Variants in MCPH1 observed in about 807,000 individuals in gnomAD.
MCPH1 encodes microcephalin.
In MCPH1, 104 loss-of-function variants were observed where a neutral mutation model predicts 84.5. That is an observed-to-expected ratio of 1.23 (90% CI 1.05 to 1.45). The LOEUF (loss-of-function observed/expected upper bound fraction) is 1.45, where lower values mean the gene tolerates loss of function less well. Among genes scored for constraint, MCPH1 ranks in the 40% most tolerant of loss-of-function variants. The pLI is 0.00. For missense variants in MCPH1, 1,498 were observed against 1,005.7 expected, an observed-to-expected ratio of 1.49 and a Z score of -6.62; for synonymous variants, 514 against 366.8, an observed-to-expected ratio of 1.40 and a Z score of -4.58.
chr8:6,419,919 T>C (rs1799919806), intron 3 of MCPH1, among the ~76,000 whole-genome samples: 3 of 152,158 alleles, frequency 2.0e-5, no homozygotes, highest in Admixed American at 2.0e-4. Context: ...TTTGTTTTTT[T>C]AAAATAGATT....
chr8:6,445,687 A>G, intron 8 of MCPH1, 140 bp downstream of exon 8: 1 of 1,437,048 alleles, frequency 7.0e-7, no homozygotes, highest in South Asian at 1.6e-5. Flanking sequence ...GCATTTGATC[A>G]TTCCAATGAT....
chr8:6,504,040 C>T (rs1018433698), intron 12 of MCPH1, among the ~76,000 whole-genome samples: 3 of 152,264 alleles, frequency 2.0e-5, no homozygotes, highest in African/African-American at 7.2e-5. Context: ...AAGCAGGGGC[C>T]GGGCGCAGTG....
intron 12 of MCPH1, among the ~76,000 whole-genome samples, chr8:6,525,758 G>GA (rs982082392): frequency 3.4e-4 from 52 of 152,028 alleles, no homozygotes; most frequent in Admixed American, 3.1e-3. Flanking sequence ...AGCTGTTGAT[G>GA]AAAAAAACCT....
At chr8:6,571,151 A>C (rs939369045) in intron 12 of MCPH1, among the ~76,000 whole-genome samples, 2 of 152,204 alleles carry the variant, frequency 1.3e-5, no homozygotes, top group African/African-American at 4.8e-5. Flanking sequence ...GATAGAAGTC[A>C]CAACATTAAA....
At chr8:6,621,247 G>T (rs181910560) in intron 12 of MCPH1, 51 of 616,460 alleles carry the variant, frequency 8.3e-5, no homozygotes, top group Admixed American at 7.9e-4. Context: ...GGAGTTTTAC[G>T]CATGGCTACT....
chr8:6,515,624 A>G (rs553196333), intron 12 of MCPH1, among the ~76,000 whole-genome samples: 71 of 152,360 alleles, frequency 4.7e-4, no homozygotes, highest in African/African-American at 1.6e-3. Context: ...AAAACCCCTG[A>G]AAATAAGATT....
chr8:6,628,587 T>C (rs1404791178), intron 13 of MCPH1, among the ~76,000 whole-genome samples: 11 of 152,022 alleles, frequency 7.2e-5, no homozygotes, highest in African/African-American at 2.4e-4. Context: ...CAACATTTTA[T>C]GTGTATTAGA....
intron 12 of MCPH1, among the ~76,000 whole-genome samples, chr8:6,531,892 G>C (rs921247112): frequency 6.6e-6 from 1 of 152,190 alleles, no homozygotes; most frequent in Non-Finnish European, 1.5e-5. Context: ...TAGCTGTTGA[G>C]ATTCAGGTTT....
intron 12 of MCPH1, among the ~76,000 whole-genome samples, chr8:6,603,979 A>G (rs1040913403): frequency 2.7e-5 from 4 of 148,386 alleles, no homozygotes; most frequent in African/African-American, 9.9e-5. Context: ...TCAGTATTCA[A>G]CAAATTATTT....
intron 11 of MCPH1, among the ~76,000 whole-genome samples, chr8:6,488,649 C>G (rs1326023801): frequency 6.6e-6 from 1 of 152,138 alleles, no homozygotes; most frequent in Admixed American, 6.6e-5. Flanking sequence ...AAGAGAAATA[C>G]CTGAGGCACC....
chr8:6,412,446 T>G (rs1462732928), intron 2 of MCPH1, among the ~76,000 whole-genome samples: 2 of 152,266 alleles, frequency 1.3e-5, no homozygotes, highest in African/African-American at 4.8e-5. Flanking sequence ...TCAATAGTCG[T>G]TAACATCGTA....
chr8:6,439,089 C>G lies in MCPH1; in HGVS notation c.573C>G (p.Ser191=). The stretch of plus-strand genomic sequence containing the variant: ...TGAAGGAGAAAAGGGAAAATCTTTC[C>G]CCCACCTGTAAGTAATTAGTTTGTA... ...QEMKEKRENL[S]PTSSQMIQQS... Residue 191 remains serine (S), a synonymous_variant, in exon 6 of 14, where the codon TCC becomes TCG. Transcript: ENST00000344683. 6.2e-7 allele frequency: 1 copy of G among 1,612,858 alleles called. No homozygotes were observed.
chr8:6,563,201 T>G (rs917373134), intron 12 of MCPH1: 2 of 305,322 alleles, frequency 6.6e-6, no homozygotes, highest in Non-Finnish European at 1.3e-5. Context: ...CAGAGCAGCT[T>G]TCACGGTCCT....
chr8:6,422,572 C>G (rs1246266050), intron 3 of MCPH1, among the ~76,000 whole-genome samples: 1 of 152,240 alleles, frequency 6.6e-6, no homozygotes. Flanking sequence ...CAGCCCCTGA[C>G]TCATTCTCTA....
intron 12 of MCPH1, among the ~76,000 whole-genome samples, chr8:6,541,285 G>T (rs1212805917): frequency 6.6e-6 from 1 of 152,202 alleles, no homozygotes; most frequent in Non-Finnish European, 1.5e-5. Context: ...GAGAAAGTCA[G>T]TGCCCACCCC....
intron 10 of MCPH1, among the ~76,000 whole-genome samples, chr8:6,480,191 G>A (rs1328323976): frequency 6.7e-6 from 1 of 150,280 alleles, no homozygotes; most frequent in Non-Finnish European, 1.5e-5. Context: ...TGACACGATC[G>A]CGGCTCACTG....
intron 1 of MCPH1, among the ~76,000 whole-genome samples, chr8:6,409,003 A>C (rs991879699): frequency 2.0e-5 from 3 of 151,540 alleles, no homozygotes; most frequent in Admixed American, 1.3e-4. Flanking sequence ...CTCCTGCCTC[A>C]GCCTCCCAGT....
At chr8:6,408,405 A>G (rs11775663) in intron 1 of MCPH1, among the ~76,000 whole-genome samples, 50,166 of 151,926 alleles carry the variant, frequency 0.33, 9,340 homozygotes, top group East Asian at 0.67. Context: ...ATTTTTTTGT[A>G]GAGCCAGGGT....
At chr8:6,596,230 C>T (rs1352130162) in intron 12 of MCPH1, among the ~76,000 whole-genome samples, 1 of 152,086 alleles carries the variant, frequency 6.6e-6, no homozygotes, top group Non-Finnish European at 1.5e-5. Flanking sequence ...TGGCACTGTG[C>T]CTTGGACCAA....
Sources: allele counts gnomAD v4.1 joint callset (sites outside exome capture counted in the v4.1 genomes callset), GRCh38; gene constraint gnomAD v4.1.1; transcripts MANE v1.5; gene names NCBI Gene and HGNC (gene_info 2026-07-23, HGNC 2026-07-21).